SOX7: variants seen among roughly 807,000 people sequenced by gnomAD.
SOX7 encodes transcription factor SOX-7.
A neutral mutation model predicts 24.9 loss-of-function variants in SOX7; 19 were observed. That is an observed-to-expected ratio of 0.76 (90% CI 0.53 to 1.12). The LOEUF is 1.12. Ranked by LOEUF, SOX7 falls within the 50% of genes most tolerant of loss-of-function variation. SOX7 has a pLI of 0.00. For synonymous variants in SOX7, 327 were observed against 244.5 expected, an observed-to-expected ratio of 1.34 and a Z score of -3.15; for missense variants, 702 against 535.0, an observed-to-expected ratio of 1.31 and a Z score of -3.08.
intron 1 of SOX7, among the ~76,000 whole-genome samples, chr8:10,729,027 C>A (rs1157493262): frequency 1.3e-5 from 2 of 152,248 alleles, no homozygotes; most frequent in Non-Finnish European, 2.9e-5. Flanking sequence ...ACCACTAAGG[C>A]GAGTTGGTGC....
intron 1 of SOX7, among the ~76,000 whole-genome samples, chr8:10,727,266 T>C (rs529796552): frequency 5.4e-4 from 82 of 152,322 alleles, no homozygotes; most frequent in African/African-American, 1.9e-3. Context: ...GAAGGTCGAA[T>C]AGAACCCTGC....
At chr8:10,729,659 T>A (rs975136419) in intron 1 of SOX7, 5 of 152,294 alleles carry the variant, frequency 3.3e-5, no homozygotes, top group African/African-American at 1.2e-4. Flanking sequence ...TTTGTTTTCC[T>A]CTTAATTGTT....
intron 1 of SOX7, among the ~76,000 whole-genome samples, chr8:10,727,743 T>C (rs1800183341): frequency 1.3e-5 from 2 of 152,216 alleles, no homozygotes; most frequent in South Asian, 4.1e-4. Context: ...TAAGGTGGGC[T>C]CAGGATTCTA....
At position 10,725,556 on chromosome 8, in the gene SOX7, G is replaced by A. The variant is rs1233772722; in HGVS notation, c.*182C>T. The A allele has an allele frequency of 6.5e-6, 4 of 619,422 alleles. No individual in the cohort carries two copies. In the Admixed American group the frequency reaches 8.9e-5, roughly 14 times the overall value. 38.4% of individuals were successfully genotyped at this position (619,422 alleles called of 1,614,324 possible). A position where few individuals can be genotyped will look rare whatever the true frequency, so the allele number is the denominator to read the frequency against. ...GCTGCAGGGGCTGGAACGTGGGGAA[G>A]GGGATAGAGGCGGCACTCGGATAAG... On this transcript the variant is annotated 3_prime_UTR_variant, in exon 2 of 2. Coordinates refer to ENST00000304501, the MANE Select transcript of SOX7 (RefSeq NM_031439.4).
Position 10,730,172 on chromosome 8 carries a change from C to T in SOX7, c.238+24G>A. The T allele has an allele frequency of 1.1e-5, 16 of 1,484,842 alleles. No individual in the cohort carries two copies. Among genetic ancestry groups the T allele is most frequent in the Non-Finnish European group, 1.4e-5 (16 of 1,122,946 alleles). The allele number at this position is 1,484,842 out of a possible 1,614,324, so 92.0% of individuals were successfully genotyped here. A position where few individuals can be genotyped will look rare whatever the true frequency, so the allele number is the denominator to read the frequency against. On this transcript the variant is annotated intron_variant, in intron 1 of 1. Transcript: ENST00000304501. The surrounding 1 kb of genome is among the most constrained non-coding windows in gnomAD (Gnocchi z 4.8). ...CCGCCGCCCGCCCCCGGCCCCCAGC[C>T]CGCTCGGCCGCGCGCTCACTCACCC...
chr8:10,727,301 G>C (rs996223375), intron 1 of SOX7, among the ~76,000 whole-genome samples: 3 of 152,106 alleles, frequency 2.0e-5, no homozygotes, highest in African/African-American at 2.4e-5. Flanking sequence ...CAGAATGCTA[G>C]CATCTGCTTG....
intron 1 of SOX7, among the ~76,000 whole-genome samples, chr8:10,729,973 C>T (rs1741444304): frequency 2.0e-5 from 3 of 152,104 alleles, no homozygotes. Flanking sequence ...CCCTGCCCGC[C>T]GCGCGGTTTC....
At position 10,726,049 on chromosome 8, in the gene SOX7, G is replaced by C; in HGVS notation, c.856C>G (p.Pro286Ala). The C allele has an allele frequency of 6.4e-7, 1 of 1,568,484 alleles. No individual in the cohort carries two copies. The change falls in exon 2 of 2, where the codon CCG becomes GCG. Residue 286 changes from proline to alanine, a missense_variant. Transcript: ENST00000304501. ...GCPPSPAYYS[P>A]ATYHPLHSNL... ...GAGTGGAGTGGGTGGTAGGTGGCCG[G>C]GGAGTAATAGGCAGGAGATGGGGGA...
At position 10,724,056 on chromosome 8, in the gene SOX7, T is replaced by C. The variant is rs1310502441; in HGVS notation, c.*1682A>G. The C allele has an allele frequency of 1.3e-5, 2 of 152,186 alleles. No homozygotes were observed. The highest frequency in any genetic ancestry group is 2.4e-5 in the African/African-American group (1 of 41,426). 9.4% of individuals were successfully genotyped at this position (152,186 alleles called of 1,614,324 possible). Reference sequence around the variant, plus strand: ...ATCTTAGAAGGACAAAAAGGATTTATCAACAATACAAAACATAAGATAAAA... The same window carrying C: ...ATCTTAGAAGGACAAAAAGGATTTACCAACAATACAAAACATAAGATAAAA... On this transcript the variant is annotated 3_prime_UTR_variant, in exon 2 of 2. Transcript: ENST00000304501.
At position 10,726,018 on chromosome 8, in the gene SOX7, A is replaced by T. The variant is rs780571807; in HGVS notation, c.887T>A (p.Leu296His). The change falls in exon 2 of 2, where the codon CTC (leucine) becomes CAC (histidine). Residue 296 changes from leucine (L) to histidine (H), a missense_variant. Coordinates refer to ENST00000304501, the MANE Select transcript of SOX7 (RefSeq NM_031439.4). ...GGAAAGCTGGCCCAGGTGGGCTTGG[A>T]GGTTGGAGTGGAGTGGGTGGTAGGT... ...PATYHPLHSN[L>H]QAHLGQLSPP... 8.8e-6 allele frequency: 14 copies of T among 1,584,654 alleles called. No individual in the cohort carries two copies. The highest frequency in any genetic ancestry group is 1.2e-5 in the Non-Finnish European group (14 of 1,164,496).
rs1800100968 is a variant in SOX7, at chr8:10,724,366, C to T, written c.*1372G>A. On this transcript the variant is annotated 3_prime_UTR_variant, in exon 2 of 2. Coordinates refer to ENST00000304501, the MANE Select transcript of SOX7 (RefSeq NM_031439.4). ...TCTCACAGCAGCTAAAGGAAGCATG[C>T]TTGGGATAAGTCAGGGGCTGTTTCA... 6.6e-6 allele frequency: 1 copy of T among 152,184 alleles called. No homozygotes were observed. Among genetic ancestry groups the T allele is most frequent in the South Asian group, 2.1e-4 (1 of 4,822 alleles). The allele number at this position is 152,184 out of a possible 1,614,324, so 9.4% of individuals were successfully genotyped here.
Position 10,725,738 on chromosome 8 carries a change from C to G in SOX7, c.1167G>C (p.Ter389TyrextTer85). The G allele has an allele frequency of 1.2e-6, 2 of 1,614,118 alleles. No individual in the cohort carries two copies. The highest frequency in any genetic ancestry group is 1.7e-6 in the Non-Finnish European group (2 of 1,180,026). ...ATYYNSYSVS[*>Y] is the part of the protein sequence containing the mutation. The stretch of plus-strand genomic sequence containing the variant: ...CTGACCGGACGGGGCGCCTCCAGCT[C>G]TATGACACACTGTAGCTGTTGTAGT... Residue 389 changes from the stop codon to tyrosine (Y), a stop_lost, in exon 2 of 2, where the codon TAG becomes TAC. Transcript: ENST00000304501.
chr8:10,728,134 C>T (rs1347093321), intron 1 of SOX7, among the ~76,000 whole-genome samples: 1 of 152,216 alleles, frequency 6.6e-6, no homozygotes, highest in Non-Finnish European at 1.5e-5. Context: ...GCAAGTGACC[C>T]AAGATGCAGG....
chr8:10,728,264 T>A (rs182632420), intron 1 of SOX7, among the ~76,000 whole-genome samples: 29 of 152,374 alleles, frequency 1.9e-4, no homozygotes, highest in African/African-American at 5.0e-4. Flanking sequence ...AAAGGTCTAC[T>A]GCTCTTTATG....
chr8:10,728,067 T>C (rs1485068197), intron 1 of SOX7, among the ~76,000 whole-genome samples: 2 of 152,234 alleles, frequency 1.3e-5, no homozygotes. Context: ...TGTTAGGAGC[T>C]GCAGATTCAG....
rs996562567 is a variant in SOX7 at position 10,726,133 on chromosome 8, C to T, written c.772G>A (p.Gly258Ser). Residue 258 changes from glycine to serine, a missense_variant, in exon 2 of 2, where the codon GGC becomes AGC. Gly to Ser is a moderately conservative substitution (Grantham distance 56, BLOSUM62 0). Coordinates refer to ENST00000304501, the MANE Select transcript of SOX7 (RefSeq NM_031439.4). ...GGGGACTGGCCAAGGGCCAGGGAGC[C>T]CAGGGGGTGGCTACAGTGGAGAGGG... ...PSPLHCSHPL[G>S]SLALGQSPGV... is the part of the protein sequence containing the mutation. 6.3e-7 allele frequency: 1 copy of T among 1,584,008 alleles called. No individual in the cohort carries two copies.
chr8:10,728,312 G>C (rs1248327540), intron 1 of SOX7, among the ~76,000 whole-genome samples: 2 of 152,196 alleles, frequency 1.3e-5, no homozygotes, highest in East Asian at 3.8e-4. Flanking sequence ...ATACCAGTGT[G>C]ACTAGGTCAC....
At chr8:10,729,129 C>G (rs531824206) in intron 1 of SOX7, among the ~76,000 whole-genome samples, 18 of 152,336 alleles carry the variant, frequency 1.2e-4, no homozygotes, top group African/African-American at 3.8e-4. Context: ...CCTGGGACCC[C>G]CTCTGCGGGC....
At position 10,725,574 on chromosome 8, in the gene SOX7, C is replaced by T; in HGVS notation, c.*164G>A. The T allele has an allele frequency of 4.5e-6, 3 of 666,754 alleles. No homozygotes were observed. The highest frequency in any genetic ancestry group is 1.9e-5 in the South Asian group (1 of 52,302). 41.3% of individuals were successfully genotyped at this position (666,754 alleles called of 1,614,324 possible). The stretch of plus-strand genomic sequence containing the variant: ...TGGGGAAGGGGATAGAGGCGGCACT[C>T]GGATAAGGAGAGTCCAGCTTAGGCC... On this transcript the variant is annotated 3_prime_UTR_variant, in exon 2 of 2. Coordinates refer to ENST00000304501, the MANE Select transcript of SOX7 (RefSeq NM_031439.4).
Sources: gnomAD v4.1 joint callset for allele counts (sites outside exome capture counted in the v4.1 genomes callset) on GRCh38, gnomAD v4.1.1 for gene constraint, Gnocchi (gnomAD v3.1) non-coding constraint, MANE v1.5 for transcripts, NCBI Gene and HGNC (gene_info 2026-07-23, HGNC 2026-07-21) for gene names.